The following CLEC16A variants were observed in gnomAD, a reference collection of about 807,000 sequenced individuals.
CLEC16A encodes C-type lectin domain containing 16A.
Under a neutral mutation model 109.5 loss-of-function variants are expected in CLEC16A, and 51 were observed. That is an observed-to-expected ratio of 0.47 (90% CI 0.37 to 0.59). The LOEUF (loss-of-function observed/expected upper bound fraction) is 0.59, where lower values mean the gene tolerates loss of function less well. CLEC16A is among the 20% of genes least tolerant of loss of function. CLEC16A has a pLI of 0.00. For missense variants in CLEC16A, 1,339 were observed against 1,394.0 expected, an observed-to-expected ratio of 0.96 and a Z score of 0.63; for synonymous variants, 673 against 564.2, an observed-to-expected ratio of 1.19 and a Z score of -2.73.
intron 18 of CLEC16A, among the ~76,000 whole-genome samples, chr16:11,058,393 G>C (rs1293683084): frequency 6.6e-6 from 1 of 152,138 alleles, no homozygotes; most frequent in Non-Finnish European, 1.5e-5. Context: ...TCCTCCTGTA[G>C]ACTTTAAATC....
At chr16:11,110,498 C>T (rs1156388237) in intron 19 of CLEC16A, among the ~76,000 whole-genome samples, 2 of 152,036 alleles carry the variant, frequency 1.3e-5, no homozygotes, top group Non-Finnish European at 2.9e-5. Context: ...AACCGAAAAC[C>T]ATGATTCATT....
chr16:10,971,309 G>C, intron 5 of CLEC16A, 79 bp downstream of exon 5: 1 of 1,051,230 alleles, frequency 9.5e-7, no homozygotes. Context: ...TGTGCGTACA[G>C]TTCTCCGATT....
At chr16:11,121,056 G>A (rs1246412012) in intron 20 of CLEC16A, among the ~76,000 whole-genome samples, 1 of 152,030 alleles carries the variant, frequency 6.6e-6, no homozygotes, top group African/African-American at 2.4e-5. Context: ...TCTGCCAAAG[G>A]CATATATAAA....
At chr16:10,998,664 T>G (rs1341637335) in intron 10 of CLEC16A, among the ~76,000 whole-genome samples, 7 of 152,180 alleles carry the variant, frequency 4.6e-5, no homozygotes, top group Non-Finnish European at 1.5e-5. Context: ...TCCCTTCTCC[T>G]TCTTCTCCTT....
At chr16:11,054,317 C>G (rs966475326) in intron 18 of CLEC16A, among the ~76,000 whole-genome samples, 1 of 152,190 alleles carries the variant, frequency 6.6e-6, no homozygotes, top group Non-Finnish European at 1.5e-5. Flanking sequence ...GCTGCTGTCT[C>G]CATCTGTCAA....
At position 10,961,016 on chromosome 16, in the gene CLEC16A, A is replaced by T. The variant is rs916344736; in HGVS notation, c.210-1439A>T. Among the ~76,000 whole-genome samples the T allele has an allele frequency of 2.6e-5, 4 of 152,110 alleles. No individual in the cohort carries two copies. The highest frequency in any genetic ancestry group is 9.7e-5 in the African/African-American group (4 of 41,404). ...GCCCACTCCCCTATGGAGTTTTAAA[A>T]AATCTAGGTTCATGGATTTTATGCT... On this transcript the variant is annotated intron_variant, in intron 2 of 23. Transcript: ENST00000409790. The surrounding 1 kb of genome is among the most constrained non-coding windows in gnomAD (Gnocchi z 4.3).
At position 10,962,530 on chromosome 16, in the gene CLEC16A, T is replaced by A. The variant is rs1232879196; in HGVS notation, c.285T>A (p.Val95=). 5 of 1,613,870 alleles carry A rather than the reference T, an allele frequency of 3.1e-6. No homozygotes were observed. Among genetic ancestry groups the A allele is most frequent in the Non-Finnish European group, 4.2e-6 (5 of 1,179,894 alleles). ...AAAAGTCGGGCCGTTACGTGTGCGT[T>A]CAGCTGCTGCAGACCTTGAACATCC... The part of the protein sequence containing the change: ...LRQKSGRYVC[V]QLLQTLNILF... Residue 95 remains valine, a synonymous_variant, in exon 3 of 24, where the codon GTT becomes GTA. Transcript: ENST00000409790.
Position 11,010,845 on chromosome 16 carries a change from A to G in CLEC16A, c.1303+7540A>G, listed in dbSNP as rs184051679. 3.3e-3 allele frequency among the ~76,000 whole-genome samples: 505 copies of G among 152,010 alleles called. 7 individuals carry two copies. Among genetic ancestry groups the G allele is most frequent in the East Asian group, 0.025 (131 of 5,168 alleles). ...GATCTCTTTCTCTTTTGCGACATTG[A>G]CTTTTTTTTGAGGAATACAGAACCT... On this transcript the variant is annotated intron_variant, in intron 11 of 23. Coordinates refer to ENST00000409790, the MANE Select transcript of CLEC16A (RefSeq NM_015226.3).
Position 11,178,202 on chromosome 16 carries a change from C to A in CLEC16A, c.2807-133C>A. 2.7e-6 allele frequency: 2 copies of A among 738,894 alleles called. No homozygotes were observed. Among genetic ancestry groups the A allele is most frequent in the Non-Finnish European group, 4.5e-6 (2 of 441,300 alleles). 45.8% of individuals were successfully genotyped at this position (738,894 alleles called of 1,614,324 possible). A position where few individuals can be genotyped will look rare whatever the true frequency, so the allele number is the denominator to read the frequency against. ...CCCAAAAGGAGTGAGTGGAGCCACG[C>A]TGAGCCCTCACGCCAGCCAGCCACC... is the stretch of plus-strand genomic sequence containing the variant. On this transcript the variant is annotated intron_variant, in intron 23 of 23. Transcript: ENST00000409790. This position sits in a 1 kb window ranked among gnomAD's most constrained non-coding sequence, Gnocchi z 6.5.
intron 17 of CLEC16A, among the ~76,000 whole-genome samples, chr16:11,049,514 C>T (rs535195775): frequency 4.7e-4 from 69 of 148,182 alleles, no homozygotes; most frequent in African/African-American, 1.7e-3. Context: ...TTTAATCAAA[C>T]ATGTATTGTG....
chr16:11,000,247 T>G (rs1359155241), intron 10 of CLEC16A, among the ~76,000 whole-genome samples: 3 of 152,236 alleles, frequency 2.0e-5, no homozygotes, highest in Non-Finnish European at 4.4e-5. Context: ...TGGGTTGGGT[T>G]TCAGACCACT....
intron 11 of CLEC16A, among the ~76,000 whole-genome samples, chr16:11,005,902 C>G (rs1449067973): frequency 1.3e-5 from 2 of 151,984 alleles, no homozygotes; most frequent in African/African-American, 4.8e-5. Flanking sequence ...CCTCTTGAAG[C>G]TCTGGACCTC....
chr16:10,982,774 T>C lies in CLEC16A; in HGVS notation c.958-104T>C, dbSNP rs2043396945. The stretch of plus-strand genomic sequence containing the variant: ...TTGCATCGTAGGAATTGCTGCTTAA[T>C]ACAGGACTTAGGTAGCCCAGCCTGG... On this transcript the variant is annotated intron_variant, in intron 9 of 23. Transcript: ENST00000409790. The C allele has an allele frequency of 1.7e-5, 11 of 664,226 alleles. No homozygotes were observed. In the South Asian group the frequency reaches 1.8e-4, roughly 11 times the overall value. 41.1% of individuals were successfully genotyped at this position (664,226 alleles called of 1,614,324 possible).
chr16:11,117,546 G>C (rs2052086637), intron 19 of CLEC16A, among the ~76,000 whole-genome samples: 1 of 151,860 alleles, frequency 6.6e-6, no homozygotes, highest in Admixed American at 6.6e-5. Context: ...TTTTTAACTT[G>C]GGCTTATTAT....
At chr16:11,126,808 C>A (rs959358001) in intron 22 of CLEC16A, 4 of 152,454 alleles carry the variant, frequency 2.6e-5, no homozygotes, top group African/African-American at 9.7e-5. Context: ...GAGAGCCTTT[C>A]TTTTGGTTGC....
rs901208098 is a variant in CLEC16A at position 11,178,110 on chromosome 16, G to C, written c.2807-225G>C. Among the ~76,000 whole-genome samples the C allele has an allele frequency of 6.6e-6, 1 of 152,078 alleles. No homozygotes were observed. Among genetic ancestry groups the C allele is most frequent in the Non-Finnish European group, 1.5e-5 (1 of 68,022 alleles). Reference sequence around the variant, plus strand: ...ATTTTCCCCTCATATCACAAGTCAGGGTAACCCTAGGCCCTGCTGTATTTT... The same window carrying C: ...ATTTTCCCCTCATATCACAAGTCAGCGTAACCCTAGGCCCTGCTGTATTTT... On this transcript the variant is annotated intron_variant, in intron 23 of 23. Transcript: ENST00000409790. This position sits in a 1 kb window ranked among gnomAD's most constrained non-coding sequence, Gnocchi z 6.5.
intron 11 of CLEC16A, among the ~76,000 whole-genome samples, chr16:11,004,714 G>A (rs532028903): frequency 3.9e-5 from 6 of 152,222 alleles, no homozygotes; most frequent in African/African-American, 1.4e-4. Flanking sequence ...AGTTGTCAGT[G>A]AATACCATGA....
At chr16:11,148,558 C>G (rs1027190852) in intron 22 of CLEC16A, among the ~76,000 whole-genome samples, 2 of 152,166 alleles carry the variant, frequency 1.3e-5, no homozygotes, top group Non-Finnish European at 2.9e-5. Context: ...AATGGAGGCT[C>G]AAGGCTACAA....
In CLEC16A at chr16:11,166,368, C is replaced by A; in HGVS notation, c.2642-20C>A. Reference sequence around the variant, plus strand: ...CCTACTCTTTGCTTCCACTTGGTCACCTGGTACTTTGTCTTGCAGGCTTCG... The same window carrying A: ...CCTACTCTTTGCTTCCACTTGGTCAACTGGTACTTTGTCTTGCAGGCTTCG... On this transcript the variant is annotated intron_variant, in intron 22 of 23. Transcript: ENST00000409790. 1 of 1,584,848 alleles carries A rather than the reference C, an allele frequency of 6.3e-7. No homozygotes were observed. The highest frequency in any genetic ancestry group is 8.6e-7 in the Non-Finnish European group (1 of 1,168,510).
Sources: allele counts gnomAD v4.1 joint callset (sites outside exome capture counted in the v4.1 genomes callset), GRCh38; gene constraint gnomAD v4.1.1; non-coding constraint Gnocchi (gnomAD v3.1); transcripts MANE v1.5; gene names NCBI Gene and HGNC (gene_info 2026-07-23, HGNC 2026-07-21).